PTPN11: variants seen among roughly 807,000 people sequenced by gnomAD.
PTPN11 encodes the protein protein tyrosine phosphatase non-receptor type 11, also known as tyrosine-protein phosphatase non-receptor type 11.
PTPN11 carries 6 observed loss-of-function variants against 78.8 expected under a neutral mutation model. That is an observed-to-expected ratio of 0.08 (90% CI 0.04 to 0.15). The LOEUF (loss-of-function observed/expected upper bound fraction) is 0.15, where lower values mean the gene tolerates loss of function less well. Among genes scored for constraint, PTPN11 ranks in the 10% least tolerant of loss-of-function variants. The pLI, the probability that PTPN11 is intolerant of heterozygous loss-of-function variation, is 1.00. For synonymous variants in PTPN11, 221 were observed against 263.5 expected (o/e 0.84, Z 1.56); for missense variants, 386 against 744.8 (o/e 0.52, Z 5.61).
chr12:112,500,956 G>A lies in PTPN11; in HGVS notation c.1600-1188G>A, dbSNP rs548586581. Reference sequence around the variant, plus strand: ...GATGGGTCTTGTTGCCCAGGCCAGAGTGCAGTGGTGCGATCATAGCTTACT... The same window carrying A: ...GATGGGTCTTGTTGCCCAGGCCAGAATGCAGTGGTGCGATCATAGCTTACT... On this transcript the variant is annotated intron_variant, in intron 13 of 15. Coordinates refer to ENST00000351677, the MANE Select transcript of PTPN11 (RefSeq NM_002834.5). Among the ~76,000 whole-genome samples the A allele has an allele frequency of 6.3e-3, 792 of 126,452 alleles. 7 individuals carry two copies. The highest frequency in any genetic ancestry group is 0.021 in the Middle Eastern group (5 of 238). 83.0% of individuals were successfully genotyped at this position (126,452 alleles called of 152,430 possible).
chr12:112,447,793 C>G (rs993360257), intron 2 of PTPN11, among the ~76,000 whole-genome samples: 8 of 150,042 alleles, frequency 5.3e-5, no homozygotes, highest in African/African-American at 9.8e-5. Context: ...AGCTACCATG[C>G]CTGGCCTTTT....
chr12:112,424,958 G>C (rs1162930639), intron 1 of PTPN11, among the ~76,000 whole-genome samples: 6 of 26,478 alleles, frequency 2.3e-4, no homozygotes, highest in Non-Finnish European at 5.3e-4. Context: ...CAGGCTAATT[G>C]TGTGTGTGTG....
Position 112,507,274 on chromosome 12 carries a change from G to A in PTPN11, c.*1482G>A, listed in dbSNP as rs2038946960. On this transcript the variant is annotated 3_prime_UTR_variant, in exon 16 of 16. Transcript: ENST00000351677. ...AGGGCCTTCAAGAAGCTTCCTGAAT[G>A]ATTTCTGCTAGCCCTGAGCCTATTT... 1 of 152,734 alleles carries A rather than the reference G, an allele frequency of 6.5e-6. No individual in the cohort carries two copies. Among genetic ancestry groups the A allele is most frequent in the Non-Finnish European group, 1.5e-5 (1 of 68,332 alleles). 9.5% of individuals were successfully genotyped at this position (152,734 alleles called of 1,614,324 possible). A position where few individuals can be genotyped will look rare whatever the true frequency, so the allele number is the denominator to read the frequency against.
chr12:112,428,578 G>A (rs899661436), intron 1 of PTPN11, among the ~76,000 whole-genome samples: 3 of 151,214 alleles, frequency 2.0e-5, no homozygotes. Flanking sequence ...GCAAATTACA[G>A]AATTGTCAGT....
intron 2 of PTPN11, among the ~76,000 whole-genome samples, chr12:112,449,436 C>T (rs978871011): frequency 2.6e-5 from 4 of 151,758 alleles, no homozygotes; most frequent in Admixed American, 1.3e-4. Context: ...GAACCCGGGA[C>T]GTGGAGCTTG....
At chr12:112,494,070 T>C (rs2038786388) in intron 13 of PTPN11, among the ~76,000 whole-genome samples, 1 of 152,142 alleles carries the variant, frequency 6.6e-6, no homozygotes, top group South Asian at 2.1e-4. Flanking sequence ...CTGGCCAACA[T>C]GGTGAAACCC....
intron 1 of PTPN11, among the ~76,000 whole-genome samples, chr12:112,421,539 T>C (rs938345064): frequency 1.3e-5 from 2 of 152,186 alleles, no homozygotes; most frequent in Non-Finnish European, 2.9e-5. Flanking sequence ...AGTCTCAAAC[T>C]CCTGGGTTCA....
chr12:112,440,358 C>G (rs2037866889), intron 1 of PTPN11, among the ~76,000 whole-genome samples: 1 of 151,904 alleles, frequency 6.6e-6, no homozygotes, highest in Non-Finnish European at 1.5e-5. Flanking sequence ...ACTGCAAGCT[C>G]CACCTCCTGG....
At chr12:112,493,997 A>T (rs1331858117) in intron 13 of PTPN11, among the ~76,000 whole-genome samples, 4 of 152,190 alleles carry the variant, frequency 2.6e-5, no homozygotes, top group Non-Finnish European at 4.4e-5. Context: ...TCATGCCTGT[A>T]ATCCCAGCAC....
chr12:112,502,731 A>G (rs939628533), intron 14 of PTPN11, among the ~76,000 whole-genome samples: 5 of 152,182 alleles, frequency 3.3e-5, no homozygotes, highest in African/African-American at 1.2e-4. Context: ...TGGGCGATAG[A>G]GTGAGCCTCT....
rs11066310 is a variant in PTPN11, at chr12:112,447,705, G to A, written c.137+1307G>A. Among the ~76,000 whole-genome samples, 8,546 of 151,394 alleles carry A rather than the reference G, an allele frequency of 0.056. 1,288 individuals carry two copies. In the East Asian group the frequency reaches 0.61, roughly 11 times the overall value. On this transcript the variant is annotated intron_variant, in intron 2 of 15. Transcript: ENST00000351677. ...AGTAGAGATGGGGTTTCACCATGTC[G>A]ACCAGGCTGGTCTCAAACTCCTGAC...
At position 112,453,407 on chromosome 12, in the gene PTPN11, A is replaced by G; in HGVS notation, c.525+20A>G. The G allele has an allele frequency of 1.2e-6, 2 of 1,612,124 alleles. No homozygotes were observed. Among genetic ancestry groups the G allele is most frequent in the Non-Finnish European group, 1.7e-6 (2 of 1,178,504 alleles). On this transcript the variant is annotated intron_variant, in intron 4 of 15. Coordinates refer to ENST00000351677, the MANE Select transcript of PTPN11 (RefSeq NM_002834.5). The stretch of plus-strand genomic sequence containing the variant: ...TGTCAGGTAAATCTCCAGTTGAAAA[A>G]TGGGTCTGGCAAGATGTTACCTTTG...
intron 1 of PTPN11, among the ~76,000 whole-genome samples, chr12:112,437,912 C>G (rs547027804): frequency 6.6e-6 from 1 of 152,172 alleles, no homozygotes; most frequent in Admixed American, 6.5e-5. Flanking sequence ...AGTTTTCTTA[C>G]TCTAATGGGT....
intron 13 of PTPN11, among the ~76,000 whole-genome samples, chr12:112,491,916 C>T (rs969714694): frequency 2.6e-5 from 4 of 152,140 alleles, no homozygotes; most frequent in South Asian, 2.1e-4. Context: ...CGTGTTGCCC[C>T]GGCTGGCCTT....
At chr12:112,476,415 C>T (rs775452219) in intron 7 of PTPN11, among the ~76,000 whole-genome samples, 25 of 152,176 alleles carry the variant, frequency 1.6e-4, no homozygotes, top group Non-Finnish European at 3.2e-4. Flanking sequence ...GACTTTTGTA[C>T]AGAATTTGGA....
In PTPN11 at chr12:112,504,064, G is replaced by C. The variant is rs1330881387; in HGVS notation, c.1713-631G>C. The stretch of plus-strand genomic sequence containing the variant: ...CAGATCCCTCTACTGGAAATTAATA[G>C]GATTTCATTCTATGTGTGCATTTCC... On this transcript the variant is annotated intron_variant, in intron 14 of 15. Transcript: ENST00000351677. This position sits in a 1 kb window ranked among gnomAD's most constrained non-coding sequence, Gnocchi z 4.7. Among the ~76,000 whole-genome samples, 2 of 152,124 alleles carry C rather than the reference G, an allele frequency of 1.3e-5. No individual in the cohort carries two copies. Among genetic ancestry groups the C allele is most frequent in the African/African-American group, 4.8e-5 (2 of 41,412 alleles).
At chr12:112,481,612 C>T (rs1053285981) in intron 9 of PTPN11, among the ~76,000 whole-genome samples, 3 of 152,190 alleles carry the variant, frequency 2.0e-5, no homozygotes, top group Non-Finnish European at 4.4e-5. Context: ...CCTGCCTCAG[C>T]CTCCCAAGTA....
chr12:112,505,274 C>T (rs2038919584), intron 15 of PTPN11, among the ~76,000 whole-genome samples: 1 of 152,234 alleles, frequency 6.6e-6, no homozygotes, highest in Non-Finnish European at 1.5e-5. Flanking sequence ...ACATCCCTTC[C>T]AGCTCTGCTG....
chr12:112,477,610 C>A, intron 7 of PTPN11, 41 bp from the exon 8 acceptor site: 1 of 1,477,014 alleles, frequency 6.8e-7, no homozygotes, highest in Non-Finnish European at 9.5e-7. Context: ...TTTCCTGAAG[C>A]AGTCCAGGAC....
Sources: gnomAD v4.1 joint callset for allele counts (sites outside exome capture counted in the v4.1 genomes callset) on GRCh38, gnomAD v4.1.1 for gene constraint, Gnocchi (gnomAD v3.1) non-coding constraint, MANE v1.5 for transcripts, NCBI Gene and HGNC (gene_info 2026-07-23, HGNC 2026-07-21) for gene names.